AOAH: variants seen among roughly 807,000 people sequenced by gnomAD.
AOAH encodes the protein acyloxyacyl hydrolase.
AOAH carries 64 observed loss-of-function variants against 92.2 expected under a neutral mutation model. The observed-to-expected ratio is 0.69, with a 90% CI of 0.57 to 0.86. The LOEUF (loss-of-function observed/expected upper bound fraction) is 0.86. AOAH is among the 40% of genes least tolerant of loss of function. The probability of loss-of-function intolerance (pLI) is 0.00; values close to 1 mark genes in which losing one functional copy is unlikely to be tolerated. For synonymous variants in AOAH, 263 were observed against 254.5 expected (o/e 1.03, Z -0.32); for missense variants, 656 against 694.6 (o/e 0.94, Z 0.62).
chr7:36,577,429 C>T (rs980973694), intron 12 of AOAH, among the ~76,000 whole-genome samples: 3 of 152,158 alleles, frequency 2.0e-5, no homozygotes, highest in African/African-American at 7.2e-5. Context: ...GCCTGGATCC[C>T]TGAGAACTGG....
In AOAH at chr7:36,614,954, T is replaced by G. The variant is rs990439037; in HGVS notation, c.846+1426A>C. On this transcript the variant is annotated intron_variant, in intron 11 of 20. Coordinates refer to ENST00000617537, the MANE Select transcript of AOAH (RefSeq NM_001637.4). The surrounding 1 kb of genome is among the most constrained non-coding windows in gnomAD (Gnocchi z 4.2). ...GGCAGGAGGAGGAACCCAGCAGCTC[T>G]CAGGCCTGAGTGTTTCAGGTTGGGA... 3.9e-5 allele frequency among the ~76,000 whole-genome samples: 6 copies of G among 152,156 alleles called. No individual in the cohort carries two copies. Among genetic ancestry groups the G allele is most frequent in the Admixed American group, 1.3e-4 (2 of 15,284 alleles).
At chr7:36,714,122 C>A (rs995467129) in intron 1 of AOAH, among the ~76,000 whole-genome samples, 8 of 151,998 alleles carry the variant, frequency 5.3e-5, no homozygotes, top group African/African-American at 1.7e-4. Context: ...CTAATAGATG[C>A]AATAAAAAAT....
At chr7:36,530,318 T>A (rs1784618947) in intron 19 of AOAH, 100 bp downstream of exon 19, 2 of 787,154 alleles carry the variant, frequency 2.5e-6, no homozygotes, top group Admixed American at 2.0e-5. Context: ...CCCTGCCGAA[T>A]CTGCTGCCTG....
intron 1 of AOAH, among the ~76,000 whole-genome samples, chr7:36,688,662 A>C (rs10253290): frequency 0.018 from 2,781 of 152,140 alleles, 98 homozygotes; most frequent in African/African-American, 0.064. Flanking sequence ...CTTTCTGAAA[A>C]TTTATTTCTA....
At chr7:36,648,292 G>A (rs527504089) in intron 4 of AOAH, among the ~76,000 whole-genome samples, 2 of 152,180 alleles carry the variant, frequency 1.3e-5, no homozygotes, top group Non-Finnish European at 2.9e-5. Flanking sequence ...AAATACATAG[G>A]AGGTGGATAA....
intron 3 of AOAH, among the ~76,000 whole-genome samples, chr7:36,666,818 C>T (rs1795567483): frequency 6.6e-6 from 1 of 151,998 alleles, no homozygotes; most frequent in African/African-American, 2.4e-5. Flanking sequence ...GAGATTTCTT[C>T]TTAGGTTCAT....
At chr7:36,578,863 G>C (rs187888623) in intron 12 of AOAH, among the ~76,000 whole-genome samples, 162 of 152,256 alleles carry the variant, frequency 1.1e-3, no homozygotes, top group Middle Eastern at 3.4e-3. Context: ...TAATTTATAA[G>C]AAAAGGGGTT....
chr7:36,539,798 A>G (rs1207961464), intron 16 of AOAH, among the ~76,000 whole-genome samples: 2 of 152,204 alleles, frequency 1.3e-5, no homozygotes, highest in Admixed American at 1.3e-4. Flanking sequence ...CTTTTATGTT[A>G]TTTGTACAGT....
chr7:36,629,719 A>C (rs1792937502), intron 6 of AOAH, among the ~76,000 whole-genome samples: 1 of 152,176 alleles, frequency 6.6e-6, no homozygotes. Context: ...TGTGGGTCTG[A>C]ATCATAGCCT....
At chr7:36,678,596 T>C (rs967851456) in intron 2 of AOAH, among the ~76,000 whole-genome samples, 33,857 of 137,844 alleles carry the variant, frequency 0.25, 4,785 homozygotes, top group African/African-American at 0.41. Flanking sequence ...TGTGTGTGTG[T>C]GTGTGCGCGC....
At chr7:36,561,916 C>A (rs534896633) in intron 13 of AOAH, among the ~76,000 whole-genome samples, 1 of 152,036 alleles carries the variant, frequency 6.6e-6, no homozygotes, top group Non-Finnish European at 1.5e-5. Context: ...GACAAGGATG[C>A]GAGACCAACG....
intron 2 of AOAH, among the ~76,000 whole-genome samples, chr7:36,679,187 A>G (rs891017965): frequency 1.3e-5 from 2 of 152,116 alleles, no homozygotes; most frequent in Non-Finnish European, 2.9e-5. Context: ...TTCCTTTCTC[A>G]TAAGAATCTT....
chr7:36,638,834 C>G (rs1040288673), intron 4 of AOAH, among the ~76,000 whole-genome samples: 1 of 152,204 alleles, frequency 6.6e-6, no homozygotes, highest in Non-Finnish European at 1.5e-5. Context: ...TGCCAGGATG[C>G]CCTGCTACGG....
intron 12 of AOAH, among the ~76,000 whole-genome samples, chr7:36,590,640 G>A (rs977292245): frequency 2.6e-5 from 4 of 152,192 alleles, no homozygotes. Flanking sequence ...TCCAAAGGAC[G>A]CTGTTGACAC....
At chr7:36,514,201 T>C (rs79854707) in intron 20 of AOAH, among the ~76,000 whole-genome samples, 1 of 151,826 alleles carries the variant, frequency 6.6e-6, no homozygotes, top group Non-Finnish European at 1.5e-5. Flanking sequence ...GCGGCTGAGA[T>C]GAATTTTCTA....
At chr7:36,662,256 AGCTAAAGGTGTG>A (rs1477217162) in intron 3 of AOAH, among the ~76,000 whole-genome samples, 1 of 152,260 alleles carries the variant, frequency 6.6e-6, no homozygotes, top group Non-Finnish European at 1.5e-5. Context: ...AGCTGAATGC[AGCTAAAGGTGTG>A]GCTGGCAAGA....
intron 1 of AOAH, among the ~76,000 whole-genome samples, chr7:36,716,086 G>C (rs1799147162): frequency 6.6e-6 from 1 of 151,982 alleles, no homozygotes; most frequent in Non-Finnish European, 1.5e-5. Flanking sequence ...TCTGACAAAG[G>C]GCTAATATCC....
At chr7:36,519,939 A>G (rs553710992) in intron 20 of AOAH, among the ~76,000 whole-genome samples, 8 of 152,326 alleles carry the variant, frequency 5.3e-5, no homozygotes, top group African/African-American at 1.9e-4. Context: ...TAGTCACTCA[A>G]TAAATAGTTT....
Position 36,543,574 on chromosome 7 carries a change from C to T in AOAH, c.1134-3083G>A, listed in dbSNP as rs537175184. Among the ~76,000 whole-genome samples, 3 of 150,390 alleles carry T rather than the reference C, an allele frequency of 2.0e-5. No individual in the cohort carries two copies. The South Asian group carries it at 6.3e-4, about 32-fold the overall frequency. The stretch of plus-strand genomic sequence containing the variant: ...TGGACAAAGTCTCCCCAAATCCACA[C>T]TGAATAATTTTTTTTTTCGGTTAGA... On this transcript the variant is annotated intron_variant, in intron 15 of 20. Coordinates refer to ENST00000617537, the MANE Select transcript of AOAH (RefSeq NM_001637.4).
Sources: allele counts gnomAD v4.1 joint callset (sites outside exome capture counted in the v4.1 genomes callset), GRCh38; gene constraint gnomAD v4.1.1; non-coding constraint Gnocchi (gnomAD v3.1); transcripts MANE v1.5; gene names NCBI Gene and HGNC (gene_info 2026-07-23, HGNC 2026-07-21).